MEGF11: variants seen among roughly 807,000 people sequenced by gnomAD.
MEGF11 encodes the protein multiple EGF like domains 11.
Under a neutral mutation model 146.6 loss-of-function variants are expected in MEGF11, and 126 were observed. The observed-to-expected ratio is 0.86, with a 90% confidence interval of 0.74 to 1.00. MEGF11 has a LOEUF of 1.00. Ranked by LOEUF, MEGF11 falls within the 50% of genes least tolerant of loss-of-function variation. The probability of loss-of-function intolerance (pLI) is 0.00; values close to 1 mark genes in which losing one functional copy is unlikely to be tolerated. For synonymous variants in MEGF11, 532 were observed against 583.4 expected, an observed-to-expected ratio of 0.91 and a Z score of 1.27; for missense variants, 1,509 against 1,521.2, an observed-to-expected ratio of 0.99 and a Z score of 0.13.
At chr15:66,165,087 C>A (rs1203680053) in intron 1 of MEGF11, among the ~76,000 whole-genome samples, 1 of 152,206 alleles carries the variant, frequency 6.6e-6, no homozygotes, top group East Asian at 1.9e-4. Flanking sequence ...CCCCTCACAG[C>A]ACGTTAGAAA....
chr15:66,103,364 T>C (rs2086912238), intron 4 of MEGF11, among the ~76,000 whole-genome samples: 1 of 152,246 alleles, frequency 6.6e-6, no homozygotes, highest in African/African-American at 2.4e-5. Context: ...TAGTGCTTCA[T>C]TCCTGTGTGA....
chr15:66,194,870 T>A lies in MEGF11; in HGVS notation c.-9+58735A>T, dbSNP rs77592371. Among the ~76,000 whole-genome samples the A allele has an allele frequency of 6.6e-5, 10 of 152,058 alleles. No homozygotes were observed. The East Asian group carries it at 1.9e-3, about 29-fold the overall frequency. ...AAATTAATGTAGTTTCTAAAAAAAA[T>A]AACAAACATAATGCAAAGACAAGTT... On this transcript the variant is annotated intron_variant, in intron 1 of 25. Transcript: ENST00000395614.
At position 65,916,688 on chromosome 15, in the gene MEGF11, C is replaced by T. The variant is rs147055529; in HGVS notation, c.2215+140G>A. The T allele has an allele frequency of 1.6e-4, 228 of 1,413,384 alleles. No homozygotes were observed. The African/African-American group carries it at 2.8e-3, about 17-fold the overall frequency. The allele number at this position is 1,413,384 out of a possible 1,614,324, so 87.6% of individuals were successfully genotyped here. A position where few individuals can be genotyped will look rare whatever the true frequency, so the allele number is the denominator to read the frequency against. ...TGCCCCTGCAGAGCTCCTCAGTTCT[C>T]GTGGGGCAGGAGTCAGGTACCACCA... On this transcript the variant is annotated intron_variant, in intron 17 of 25. Transcript: ENST00000395614.
intron 3 of MEGF11, 57 bp downstream of exon 3, chr15:66,123,841 GC>G (rs2088180289): frequency 2.8e-6 from 4 of 1,431,426 alleles, no homozygotes; most frequent in Non-Finnish European, 3.9e-6. Context: ...TTGCACAGAG[GC>G]AAGCCCTGAG....
At chr15:66,132,081 C>T (rs2088669794) in intron 1 of MEGF11, among the ~76,000 whole-genome samples, 1 of 152,218 alleles carries the variant, frequency 6.6e-6, no homozygotes, top group Admixed American at 6.5e-5. Flanking sequence ...GCAAACGATC[C>T]CTCCTCCTGT....
At chr15:66,236,709 T>A (rs374330744) in intron 1 of MEGF11, among the ~76,000 whole-genome samples, 3 of 152,242 alleles carry the variant, frequency 2.0e-5, no homozygotes, top group South Asian at 2.1e-4. Context: ...CCTCCGTGCC[T>A]CCTGGCTGTG....
intron 10 of MEGF11, among the ~76,000 whole-genome samples, chr15:65,935,322 GAAAAAAAAAAAAAAAAAAAA>G (rs71139449): frequency 2.8e-3 from 100 of 35,208 alleles, no homozygotes; most frequent in Non-Finnish European, 3.6e-3. Flanking sequence ...TCCGTCTCAA[GAAAAAAAAAAAAAAAAAAAA>G]AAAAAAAAAA....
intron 4 of MEGF11, among the ~76,000 whole-genome samples, chr15:66,098,506 C>T (rs1248697253): frequency 6.6e-6 from 1 of 152,128 alleles, no homozygotes; most frequent in Non-Finnish European, 1.5e-5. Context: ...AGACAACTTC[C>T]ACGCCCCCTG....
chr15:66,074,411 A>T (rs919244210), intron 5 of MEGF11, among the ~76,000 whole-genome samples: 16 of 152,340 alleles, frequency 1.1e-4, no homozygotes, highest in African/African-American at 3.6e-4. Flanking sequence ...CAATGTATCC[A>T]CTTCCCTCTT....
At chr15:66,023,036 C>A in intron 5 of MEGF11, among the ~76,000 whole-genome samples, 1 of 150,866 alleles carries the variant, frequency 6.6e-6, no homozygotes, top group Non-Finnish European at 1.5e-5. Flanking sequence ...ACCTGTAATC[C>A]CACAGGCTGA....
rs138011836 is a variant in MEGF11, at chr15:66,036,631, A to G, written c.395-54143T>C. On this transcript the variant is annotated intron_variant, in intron 5 of 25. Coordinates refer to ENST00000395614, the MANE Select transcript of MEGF11 (RefSeq NM_001385028.1). ...TCACACCTGCCTTGACCGTCATTTC[A>G]TCTTTGGAGTCCATGTCTTCCTAAC... Among the ~76,000 whole-genome samples the G allele has an allele frequency of 4.8e-3, 735 of 152,252 alleles. 9 individuals carry two copies. The highest frequency in any genetic ancestry group is 0.017 in the African/African-American group (692 of 41,554).
At chr15:65,958,381 C>T (rs1296915609) in intron 9 of MEGF11, among the ~76,000 whole-genome samples, 1 of 152,158 alleles carries the variant, frequency 6.6e-6, no homozygotes, top group Non-Finnish European at 1.5e-5. Context: ...CTGGCATGAC[C>T]TCCAGAGAGT....
At chr15:66,217,862 C>G (rs1025105193) in intron 1 of MEGF11, among the ~76,000 whole-genome samples, 5 of 152,216 alleles carry the variant, frequency 3.3e-5, no homozygotes, top group Admixed American at 2.0e-4. Context: ...CATCCCTCCC[C>G]AGAGAGAGGC....
chr15:65,950,566 G>A (rs948176468), intron 10 of MEGF11, among the ~76,000 whole-genome samples: 25 of 148,070 alleles, frequency 1.7e-4, no homozygotes, highest in African/African-American at 5.0e-4. Flanking sequence ...GGGCAATAGA[G>A]TGAGGCTTAG....
chr15:66,230,484 T>C (rs1251060328), intron 1 of MEGF11, among the ~76,000 whole-genome samples: 4 of 152,240 alleles, frequency 2.6e-5, no homozygotes, highest in Admixed American at 1.3e-4. Flanking sequence ...AATAAGAAAT[T>C]ATAAGCATAC....
intron 5 of MEGF11, among the ~76,000 whole-genome samples, chr15:66,016,487 T>TG (rs1016409689): frequency 2.0e-5 from 3 of 151,372 alleles, no homozygotes; most frequent in South Asian, 2.1e-4. Flanking sequence ...CAGTTTTTTT[T>TG]TTTTTTTTTT....
intron 1 of MEGF11, among the ~76,000 whole-genome samples, chr15:66,239,629 C>G (rs2092167588): frequency 6.6e-6 from 1 of 152,230 alleles, no homozygotes; most frequent in African/African-American, 2.4e-5. Flanking sequence ...GCTGCCCCAG[C>G]CTCCCCCAGG....
chr15:65,895,873 T>C lies in MEGF11; in HGVS notation c.*2061A>G, dbSNP rs1211571789. ...GTAACACTGAAATCTCTTGATTCAG[T>C]GTCTAGCCATTCCACCTCTTGCTGA... On this transcript the variant is annotated 3_prime_UTR_variant, in exon 26 of 26. Coordinates refer to ENST00000395614, the MANE Select transcript of MEGF11 (RefSeq NM_001385028.1). 1 of 152,226 alleles carries C rather than the reference T, an allele frequency of 6.6e-6. No individual in the cohort carries two copies. The highest frequency in any genetic ancestry group is 1.5e-5 in the Non-Finnish European group (1 of 68,032). The allele number at this position is 152,226 out of a possible 1,614,324, so 9.4% of individuals were successfully genotyped here.
Position 65,957,633 on chromosome 15 carries a change from C to A in MEGF11, c.1201G>T (p.Asp401Tyr), listed in dbSNP as rs202152725. 5 of 1,613,956 alleles carry A rather than the reference C, an allele frequency of 3.1e-6. No homozygotes were observed. Among genetic ancestry groups the A allele is most frequent in the African/African-American group, 1.3e-5 (1 of 75,052 alleles). ...CAGGTGCAAGGCAGCTGGCAGCCATCGCCATAGTAGCCAACAGGGCAGGAT... is the reference window on the plus strand; with the variant it reads ...CAGGTGCAAGGCAGCTGGCAGCCATAGCCATAGTAGCCAACAGGGCAGGAT... Reference protein sequence around the residue: ...NESCPVGYYGDGCQLPCTCQN... With the variant: ...NESCPVGYYGYGCQLPCTCQN... The change falls in exon 10 of 26, where the codon GAT (aspartate) becomes TAT (tyrosine). Residue 401 changes from aspartate to tyrosine, a missense_variant. Coordinates refer to ENST00000395614, the MANE Select transcript of MEGF11 (RefSeq NM_001385028.1).
Sources: gnomAD v4.1 joint callset for allele counts (sites outside exome capture counted in the v4.1 genomes callset) on GRCh38, gnomAD v4.1.1 for gene constraint, MANE v1.5 for transcripts, NCBI Gene and HGNC (gene_info 2026-07-23, HGNC 2026-07-21) for gene names.